RILPL1: variants seen among roughly 807,000 people sequenced by gnomAD.
RILPL1 encodes Rab interacting lysosomal protein like 1.
In RILPL1, 33 loss-of-function variants were observed where a neutral mutation model predicts 50.3. The ratio of observed to expected loss-of-function variants is 0.66; its 90% CI spans 0.50 to 0.88. The LOEUF (loss-of-function observed/expected upper bound fraction) is 0.88, where lower values mean the gene tolerates loss of function less well. Ranked by LOEUF, RILPL1 falls within the 40% of genes least tolerant of loss-of-function variation. RILPL1 has a pLI of 0.00. For synonymous variants in RILPL1, 205 were observed against 228.6 expected (o/e 0.90, Z 0.93); for missense variants, 418 against 542.5 (o/e 0.77, Z 2.28).
In RILPL1 at chr12:123,489,773, G is replaced by C. The variant is rs1882569090; in HGVS notation, c.802-3968C>G. ...CTATGCATGGGGTCTTGACGAATAT[G>C]TAGGAGTTCACCAGGAACTCTGGGC... On this transcript the variant is annotated intron_variant, in intron 4 of 6. Coordinates refer to ENST00000376874, the MANE Select transcript of RILPL1 (RefSeq NM_178314.5). The surrounding 1 kb of genome is among the most constrained non-coding windows in gnomAD (Gnocchi z 4.0). 6.6e-6 allele frequency among the ~76,000 whole-genome samples: 1 copy of C among 152,102 alleles called. No individual in the cohort carries two copies. Among genetic ancestry groups the C allele is most frequent in the African/African-American group, 2.4e-5 (1 of 41,416 alleles).
At chr12:123,525,700 C>CAAAAAAAAAAA (rs1207503097) in intron 1 of RILPL1, among the ~76,000 whole-genome samples, 22 of 44,954 alleles carry the variant, frequency 4.9e-4, no homozygotes, top group African/African-American at 9.6e-4. Context: ...GACACTGTCT[C>CAAAAAAAAAAA]AAAAAAAAAA....
At chr12:123,528,409 G>A (rs1470930544) in intron 1 of RILPL1, among the ~76,000 whole-genome samples, 1 of 145,732 alleles carries the variant, frequency 6.9e-6, no homozygotes, top group African/African-American at 2.5e-5. Context: ...CACTAAGTTT[G>A]TGTTGATTTT....
rs1593562109 is a variant in RILPL1, at chr12:123,499,842, G to A, written c.461-306C>T. Among the ~76,000 whole-genome samples, 5 of 152,124 alleles carry A rather than the reference G, an allele frequency of 3.3e-5. No homozygotes were observed. The East Asian group carries it at 7.7e-4, about 24-fold the overall frequency. ...AGCCCAAATGTCACCTCTTCACAGA[G>A]GCCTCCCTTCCTCTGACCACTCAGT... On this transcript the variant is annotated intron_variant, in intron 2 of 6. Transcript: ENST00000376874.
At chr12:123,499,342 C>T in intron 3 of RILPL1, 76 bp downstream of exon 3, 3 of 967,284 alleles carry the variant, frequency 3.1e-6, no homozygotes, top group Admixed American at 1.8e-5. Flanking sequence ...AAGGGGCCTG[C>T]TGAGTGGAGG....
chr12:123,474,326 A>G (rs1422682142), intron 6 of RILPL1: 1 of 152,236 alleles, frequency 6.6e-6, no homozygotes, highest in Non-Finnish European at 1.5e-5. Context: ...ACCAGGCTCT[A>G]TTAAGATTCC....
chr12:123,479,068 G>T (rs566812942), intron 6 of RILPL1, among the ~76,000 whole-genome samples: 5 of 152,270 alleles, frequency 3.3e-5, no homozygotes, highest in Non-Finnish European at 7.4e-5. Flanking sequence ...GTGCAGACAA[G>T]GGGCCACCAC....
intron 2 of RILPL1, among the ~76,000 whole-genome samples, chr12:123,512,723 CTG>C (rs1201281893): frequency 1.3e-5 from 1 of 79,536 alleles, no homozygotes; most frequent in African/African-American, 5.0e-5. Flanking sequence ...TGTGTGAGGT[CTG>C]TGTGTGGTGT....
intron 2 of RILPL1, among the ~76,000 whole-genome samples, chr12:123,501,859 C>T (rs1883414980): frequency 6.6e-6 from 1 of 151,724 alleles, no homozygotes; most frequent in Non-Finnish European, 1.5e-5. Flanking sequence ...GGCAGATCAC[C>T]TAGGTCGGGA....
At chr12:123,526,604 C>T (rs1885269299) in intron 1 of RILPL1, among the ~76,000 whole-genome samples, 1 of 152,248 alleles carries the variant, frequency 6.6e-6, no homozygotes, top group Admixed American at 6.5e-5. Context: ...CAATTCATCA[C>T]AAGCGGCCAG....
chr12:123,504,735 T>A (rs1468878396), intron 2 of RILPL1, among the ~76,000 whole-genome samples: 1 of 152,200 alleles, frequency 6.6e-6, no homozygotes, highest in Non-Finnish European at 1.5e-5. Context: ...GTTTCTAACA[T>A]CAGTCTCATT....
chr12:123,533,625 GCGGGCGGCGGGCGCGGGCGCGGGCA>G lies in RILPL1; in HGVS notation c.-168_-144del, dbSNP rs1486974860. On this transcript the variant is annotated 5_prime_UTR_variant, in exon 1 of 7. Transcript: ENST00000376874. This position sits in a 1 kb window ranked among gnomAD's most constrained non-coding sequence, Gnocchi z 6.2. ...CGCTGGGGCGAGGGCGCAGCGGGCA[GCGGGCGGCGGGCGCGGGCGCGGGCA>G]CGGGCGGCGGCGCGGGGTGTGCGGG... The G allele has an allele frequency of 8.8e-6, 4 of 455,136 alleles. No individual in the cohort carries two copies. Among genetic ancestry groups the G allele is most frequent in the Non-Finnish European group, 1.1e-5 (4 of 347,998 alleles). 28.2% of individuals were successfully genotyped at this position (455,136 alleles called of 1,614,324 possible).
In RILPL1 at chr12:123,513,445, G is replaced by A. The variant is rs572466752; in HGVS notation, c.460+10050C>T. The A allele has an allele frequency of 1.5e-4, 41 of 281,604 alleles. 2 individuals are homozygous for A. The highest frequency in any genetic ancestry group is 1.1e-3 in the South Asian group (41 of 38,414). The allele number at this position is 281,604 out of a possible 1,614,324, so 17.4% of individuals were successfully genotyped here. A position where few individuals can be genotyped will look rare whatever the true frequency, so the allele number is the denominator to read the frequency against. On this transcript the variant is annotated intron_variant, in intron 2 of 6. Coordinates refer to ENST00000376874, the MANE Select transcript of RILPL1 (RefSeq NM_178314.5). The stretch of plus-strand genomic sequence containing the variant: ...GAGAGAGGGGCGGCTGGGTCTATGT[G>A]GAAGCCCAGCAGCCTCATCACCTTC...
chr12:123,482,869 C>T (rs1303612337), intron 6 of RILPL1, among the ~76,000 whole-genome samples: 1 of 152,136 alleles, frequency 6.6e-6, no homozygotes, highest in Non-Finnish European at 1.5e-5. Flanking sequence ...TCCCAAAATG[C>T]TGAGATTACA....
intron 2 of RILPL1, among the ~76,000 whole-genome samples, chr12:123,507,395 T>G (rs146368987): frequency 6.6e-6 from 1 of 151,712 alleles, no homozygotes; most frequent in East Asian, 1.9e-4. Flanking sequence ...AGACCTCGTC[T>G]CTACAAAAAA....
chr12:123,484,471 G>A (rs972066085), intron 5 of RILPL1, among the ~76,000 whole-genome samples, 199 bp from the exon 6 acceptor site: 2 of 151,916 alleles, frequency 1.3e-5, no homozygotes, highest in African/African-American at 2.4e-5. Context: ...CTTCCCTGTC[G>A]CTACACCTCT....
At chr12:123,478,614 A>G (rs933092645) in intron 6 of RILPL1, among the ~76,000 whole-genome samples, 1 of 151,974 alleles carries the variant, frequency 6.6e-6, no homozygotes, top group Non-Finnish European at 1.5e-5. Context: ...GATAGAATGC[A>G]CTGTCATTGC....
At chr12:123,530,375 A>T (rs534604181) in intron 1 of RILPL1, among the ~76,000 whole-genome samples, 39 of 152,346 alleles carry the variant, frequency 2.6e-4, no homozygotes, top group Non-Finnish European at 4.7e-4. Context: ...CATATTGGCC[A>T]AGCTGGTCTT....
intron 2 of RILPL1, among the ~76,000 whole-genome samples, chr12:123,521,553 G>A (rs13303364): frequency 0.3 from 6,218 of 20,946 alleles, 192 homozygotes; most frequent in East Asian, 0.51. Flanking sequence ...ATATATGTGT[G>A]TATATATATT....
intron 1 of RILPL1, among the ~76,000 whole-genome samples, chr12:123,532,393 C>T (rs1885464923): frequency 6.6e-6 from 1 of 152,158 alleles, no homozygotes; most frequent in Non-Finnish European, 1.5e-5. Flanking sequence ...GCCTTAAAGC[C>T]ACCCCAAATC....
Sources: allele counts gnomAD v4.1 joint callset (sites outside exome capture counted in the v4.1 genomes callset), GRCh38; gene constraint gnomAD v4.1.1; non-coding constraint Gnocchi (gnomAD v3.1); transcripts MANE v1.5; gene names NCBI Gene and HGNC (gene_info 2026-07-23, HGNC 2026-07-21).